Variants in DNASE1L1 observed in about 807,000 individuals in gnomAD.
DNASE1L1 encodes the protein deoxyribonuclease-1-like 1.
In DNASE1L1, 8 loss-of-function variants were observed where a neutral mutation model predicts 18.6. The observed-to-expected ratio is 0.43, with a 90% CI of 0.25 to 0.78. The LOEUF is 0.78. Ranked by LOEUF, DNASE1L1 falls within the 30% of genes least tolerant of loss-of-function variation. The probability of loss-of-function intolerance (pLI) is 0.23; values close to 1 mark genes in which losing one functional copy is unlikely to be tolerated. For missense variants in DNASE1L1, 214 were observed against 258.2 expected, an observed-to-expected ratio of 0.83 and a Z score of 1.17; for synonymous variants, 114 against 114.2, an observed-to-expected ratio of 1.00 and a Z score of 0.01.
intron 4 of DNASE1L1, among the ~76,000 whole-genome samples, chrX:154,404,277 C>G (rs2068107360): frequency 9.2e-6 from 1 of 109,285 alleles, no homozygotes; most frequent in African/African-American, 3.3e-5. Flanking sequence ...TTCAGCCTCC[C>G]AAAGCGTTGG....
At chrX:154,406,510 C>G (rs184503873) in intron 1 of DNASE1L1, among the ~76,000 whole-genome samples, 1 of 107,528 alleles carries the variant, frequency 9.3e-6, no homozygotes, top group East Asian at 2.9e-4. Context: ...GCTGGGACTA[C>G]AGGCACGCTC....
At chrX:154,410,408 C>T (rs1432190356), upstream of DNASE1L1, among the ~76,000 whole-genome samples, 1 of 109,849 alleles carries the variant, frequency 9.1e-6, no homozygotes, top group Non-Finnish European at 1.9e-5. Context: ...CAAAAATTAG[C>T]CAGGTGTGGT....
chrX:154,405,409 G>A (rs1557188174), intron 2 of DNASE1L1, 25 bp downstream of exon 2: 8 of 1,167,970 alleles, frequency 6.8e-6, no homozygotes, highest in Non-Finnish European at 8.1e-6. Context: ...TTAGGGGCAC[G>A]GCTTCCCTGA....
rs1285283769 is a variant in DNASE1L1, at chrX:154,403,544, G to A, written c.390C>T (p.Ala130=). 8.3e-7 allele frequency: 1 copy of A among 1,210,010 alleles called. No homozygotes were observed. The highest frequency in any genetic ancestry group is 1.1e-6 in the Non-Finnish European group (1 of 894,902). ...DDVFAREPFV[A]QFSLPSNVLP... ...TACCATTGCTGGGCAAAGAGAACTG[G>A]GCCACAAATGGCTCCCGGGCAAAGA... The change falls in exon 5 of 8, where the codon GCC becomes GCT. Residue 130 remains alanine (A), a synonymous_variant. Coordinates refer to ENST00000369807, the MANE Select transcript of DNASE1L1 (RefSeq NM_001303620.2).
intron 1 of DNASE1L1, among the ~76,000 whole-genome samples, chrX:154,407,218 A>AT (rs782115573): frequency 0.011 from 280 of 25,750 alleles, 106 homozygotes; most frequent in East Asian, 0.032. Flanking sequence ...AAGTGCTGGG[A>AT]TTTTTTTTTT....
In DNASE1L1 at chrX:154,402,351, C is replaced by CCTAT. The variant is rs2068060087; in HGVS notation, c.*352_*355dup. On this transcript the variant is annotated 3_prime_UTR_variant, in exon 8 of 8. Transcript: ENST00000369807. ...ATTGGCATATCTGCTGCACAAGTGT[C>CCTAT]CTATCTCACCAATCTGGGTTTTTGT... is the stretch of plus-strand genomic sequence containing the variant. The CCTAT allele has an allele frequency of 1.0e-5, 2 of 192,962 alleles. No homozygotes were observed. Among genetic ancestry groups the CCTAT allele is most frequent in the East Asian group, 2.4e-4 (2 of 8,352 alleles). The allele number at this position is 192,962 out of a possible 1,213,427, so 15.9% of individuals were successfully genotyped here.
Position 154,404,831 on chromosome X carries a change from T to C in DNASE1L1, c.308A>G (p.Tyr103Cys), listed in dbSNP as rs1190917095. ...GCGCTGCCAGCTCCGTGCTCACCGA[T>C]AGAAGTACACATACGTCTCCATGTA... ...STYMETYVYF[Y>C]RSHKTQVLSS... The change falls in exon 4 of 8, where the codon TAT becomes TGT. Residue 103 changes from tyrosine to cysteine, a missense_variant. Physicochemically the swap from Tyr to Cys is radical, Grantham distance 194 (BLOSUM62 -2). Coordinates refer to ENST00000369807, the MANE Select transcript of DNASE1L1 (RefSeq NM_001303620.2). The C allele has an allele frequency of 2.5e-6, 3 of 1,209,184 alleles. No homozygotes were observed. The highest frequency in any genetic ancestry group is 1.7e-5 in the African/African-American group (1 of 57,339).
At chrX:154,407,774 T>TC (rs1335092323) in intron 1 of DNASE1L1, among the ~76,000 whole-genome samples, 5 of 88,419 alleles carry the variant, frequency 5.7e-5, no homozygotes, top group Non-Finnish European at 9.0e-5. Flanking sequence ...CCCCTTTTTT[T>TC]TTTTTTTTTT....
Position 154,403,390 on chromosome X carries a change from C to G in DNASE1L1, c.413-9G>C, listed in dbSNP as rs782636779. ...CACCAGGCTGGGAAGGACTGCAAGG[C>G]CCAGGGACCGAGGGCTGCCATCCAC... On this transcript the variant is annotated splice_polypyrimidine_tract_variant and intron_variant, in intron 5 of 7. Coordinates refer to ENST00000369807, the MANE Select transcript of DNASE1L1 (RefSeq NM_001303620.2). 1 of 1,207,216 alleles carries G rather than the reference C, an allele frequency of 8.3e-7. No individual in the cohort carries two copies. The highest frequency in any genetic ancestry group is 1.8e-5 in the African/African-American group (1 of 57,023).
chrX:154,410,823 G>T (rs2068264153), upstream of DNASE1L1, among the ~76,000 whole-genome samples: 1 of 111,168 alleles, frequency 9.0e-6, no homozygotes. Context: ...AGGTTGCAGT[G>T]AGCCGAGATT....
At chrX:154,404,722 G>A (rs2068115089) in intron 4 of DNASE1L1, 106 bp downstream of exon 4, 1 of 737,036 alleles carries the variant, frequency 1.4e-6, no homozygotes, top group South Asian at 2.7e-5. Flanking sequence ...AGCAGGTGAG[G>A]CTGTCCCAGG....
At chrX:154,409,256 C>T (rs782056443), upstream of DNASE1L1, 1 of 249,007 alleles carries the variant, frequency 4.0e-6, no homozygotes, top group African/African-American at 2.8e-5. Flanking sequence ...CCAGGAAGGG[C>T]CTGGCTGGGC....
At position 154,403,317 on chromosome X, in the gene DNASE1L1, G is replaced by C; in HGVS notation, c.477C>G (p.Asn159Lys). The C allele has an allele frequency of 1.7e-6, 2 of 1,211,584 alleles. No homozygotes were observed. The highest frequency in any genetic ancestry group is 2.2e-6 in the Non-Finnish European group (2 of 895,481). ...CCTCCAGAAACACATCGTAGAGGGC[G>C]TTCAGCTCCTTCTCTACGGCCTTAG... Reference protein sequence around the residue: ...TTPKAVEKELNALYDVFLEVS... With the variant: ...TTPKAVEKELKALYDVFLEVS... Residue 159 changes from asparagine to lysine, a missense_variant, in exon 6 of 8, where the codon AAC becomes AAG. Asn to Lys is a moderately conservative substitution (Grantham distance 94, BLOSUM62 0). Coordinates refer to ENST00000369807, the MANE Select transcript of DNASE1L1 (RefSeq NM_001303620.2).
rs1457884365 is a variant in DNASE1L1, at chrX:154,403,082, C to T, written c.634G>A (p.Asp212Asn). 9 of 1,210,306 alleles carry T rather than the reference C, an allele frequency of 7.4e-6. No homozygotes were observed. The highest frequency in any genetic ancestry group is 1.0e-5 in the Non-Finnish European group (9 of 895,291). Residue 212 changes from aspartate to asparagine, a missense_variant, in exon 7 of 8, where the codon GAT (aspartate) becomes AAT (asparagine). Asp to Asn is a conservative substitution (Grantham distance 23). Coordinates refer to ENST00000369807, the MANE Select transcript of DNASE1L1 (RefSeq NM_001303620.2). ...GCCCGCACTGTGGTGTCCTCCCCAT[C>T]GGCAATCACCCAGTGGAAGCCTGGC... ...TEPGFHWVIA[D>N]GEDTTVRAST...
At chrX:154,406,659 G>A (rs782258787) in intron 1 of DNASE1L1, among the ~76,000 whole-genome samples, 8 of 100,992 alleles carry the variant, frequency 7.9e-5, no homozygotes, top group African/African-American at 1.4e-4. Flanking sequence ...GTGAGCCACC[G>A]TGTCCTTTTT....
chrX:154,408,278 A>G (rs1253510002), intron 1 of DNASE1L1, among the ~76,000 whole-genome samples: 1 of 111,962 alleles, frequency 8.9e-6, no homozygotes, highest in East Asian at 2.8e-4. Flanking sequence ...GGGTTTCACC[A>G]TGTTGTTCCA....
chrX:154,411,063 A>G (rs1365009152), upstream of DNASE1L1, among the ~76,000 whole-genome samples: 1 of 112,097 alleles, frequency 8.9e-6, no homozygotes, highest in Non-Finnish European at 1.9e-5. Flanking sequence ...GTTTGTATAT[A>G]TTGCTGTATA....
intron 1 of DNASE1L1, among the ~76,000 whole-genome samples, chrX:154,407,767 CTT>C (rs1232966344): frequency 2.8e-5 from 2 of 71,554 alleles, no homozygotes; most frequent in Non-Finnish European, 5.2e-5. Context: ...GGCCCCCCCC[CTT>C]TTTTTTTTTT....
rs1460601188 is a variant in DNASE1L1 at position 154,407,756 on chromosome X, C to CA, written c.-88+1355_-88+1356insT. 4.6e-4 allele frequency among the ~76,000 whole-genome samples: 44 copies of CA among 94,912 alleles called. 1 individual carries two copies. Among genetic ancestry groups the CA allele is most frequent in the African/African-American group, 1.2e-3 (30 of 24,371 alleles). The allele number at this position is 94,912 out of a possible 115,157, so 82.4% of individuals were successfully genotyped here. On this transcript the variant is annotated intron_variant, in intron 1 of 7. Coordinates refer to ENST00000369807, the MANE Select transcript of DNASE1L1 (RefSeq NM_001303620.2). The stretch of plus-strand genomic sequence containing the variant: ...GGCTACAGGCGTGAGCCACCGCGCC[C>CA]GGCCCCCCCCCTTTTTTTTTTTTTT...
Sources: gnomAD v4.1 joint callset for allele counts (sites outside exome capture counted in the v4.1 genomes callset) on GRCh38, gnomAD v4.1.1 for gene constraint, MANE v1.5 for transcripts, NCBI Gene and HGNC (gene_info 2026-07-23, HGNC 2026-07-21) for gene names.